Variants in OSM observed in about 807,000 individuals in gnomAD.
OSM encodes oncostatin M.
In OSM, 1 loss-of-function variant was observed where a neutral mutation model predicts 6.3. The observed-to-expected ratio is 0.16, with a 90% confidence interval of 0.06 to 0.76. The LOEUF is 0.76. Among genes scored for constraint, OSM ranks in the 30% least tolerant of loss-of-function variants. The pLI is 0.77. For missense variants in OSM, 324 were observed against 336.9 expected, an observed-to-expected ratio of 0.96 and a Z score of 0.30; for synonymous variants, 135 against 143.4, an observed-to-expected ratio of 0.94 and a Z score of 0.42.
In OSM at chr22:30,263,066, A is replaced by G. The variant is rs541181756; in HGVS notation, c.*817T>C. The stretch of plus-strand genomic sequence containing the variant: ...GGGGAGCAGCCAGCAGCGAGGACCC[A>G]AGACGGGCTTCCCGGCGCTGGGAGG... On this transcript the variant is annotated 3_prime_UTR_variant, in exon 3 of 3. Transcript: ENST00000215781. The G allele has an allele frequency of 2.6e-5, 4 of 152,846 alleles. No homozygotes were observed. Among genetic ancestry groups the G allele is most frequent in the Admixed American group, 1.3e-4 (2 of 15,302 alleles). The allele number at this position is 152,846 out of a possible 1,614,324, so 9.5% of individuals were successfully genotyped here.
chr22:30,264,001 T>TC lies in OSM; in HGVS notation c.640dup (p.Glu214GlyfsTer80), dbSNP rs150499755. The TC allele has an allele frequency of 6.4e-7, 1 of 1,556,098 alleles. No homozygotes were observed. On this transcript the variant is annotated frameshift_variant, in exon 3 of 3. Coordinates refer to ENST00000215781, the MANE Select transcript of OSM (RefSeq NM_020530.6). LOFTEE classifies it low-confidence loss of function (END_TRUNC). ...GTGTCTCCGGCTCCGGTTCGGGCTC[T>TC]CCCCCCACTTGCTGAAGACCCGCCC...
Position 30,263,660 on chromosome 22 carries a change from T to C in OSM, c.*223A>G. 2.4e-6 allele frequency: 1 copy of C among 418,204 alleles called. No individual in the cohort carries two copies. Among genetic ancestry groups the C allele is most frequent in the Non-Finnish European group, 4.2e-6 (1 of 237,778 alleles). 25.9% of individuals were successfully genotyped at this position (418,204 alleles called of 1,614,324 possible). On this transcript the variant is annotated 3_prime_UTR_variant, in exon 3 of 3. Transcript: ENST00000215781. ...GCCCGCCCGGCCACCCCACTGGGCC[T>C]GGGGAACTTGGGGCTGAGGTGGGAG...
chr22:30,265,049 T>G lies in OSM; in HGVS notation c.130A>C (p.Lys44Gln). ...EYRVLLGQLQ[K>Q]QTDLMQDTSR... is the part of the protein sequence containing the mutation. ...GTGTCCTGCATGAGATCTGTCTGCT[T>G]CTGGAGCTGGCCAAGGAGCACGCGG... Residue 44 changes from lysine (K) to glutamine (Q), a missense_variant, in exon 2 of 3, where the codon AAG (lysine) becomes CAG (glutamine). By Grantham distance (53) the Lys-to-Gln change is moderately conservative (BLOSUM62 1). Transcript: ENST00000215781. 3 of 1,614,154 alleles carry G rather than the reference T, an allele frequency of 1.9e-6. No homozygotes were observed. Among genetic ancestry groups the G allele is most frequent in the Non-Finnish European group, 1.7e-6 (2 of 1,180,006 alleles).
intron 2 of OSM, 62 bp downstream of exon 2, chr22:30,264,940 C>T: frequency 6.3e-7 from 1 of 1,583,686 alleles, no homozygotes; most frequent in Non-Finnish European, 8.6e-7. Context: ...CCCTGCTTCT[C>T]ACTCCCTTCC....
At position 30,266,745 on chromosome 22, in the gene OSM, G is replaced by T; in HGVS notation, c.34+21C>A. 2 of 1,612,938 alleles carry T rather than the reference G, an allele frequency of 1.2e-6. No individual in the cohort carries two copies. The highest frequency in any genetic ancestry group is 1.7e-6 in the Non-Finnish European group (2 of 1,179,318). ...GCAGACCCAGCAGGCGGGTTCTGGC[G>T]GGGAGGAAGGAAGTACTTACTGAGC... On this transcript the variant is annotated intron_variant, in intron 1 of 2. Coordinates refer to ENST00000215781, the MANE Select transcript of OSM (RefSeq NM_020530.6). The surrounding 1 kb of genome is among the most constrained non-coding windows in gnomAD (Gnocchi z 5.0).
At chr22:30,264,946 C>A (rs1929351330) in intron 2 of OSM, 56 bp downstream of exon 2, 1 of 1,594,632 alleles carries the variant, frequency 6.3e-7, no homozygotes, top group Non-Finnish European at 8.6e-7. Flanking sequence ...TTCTCACTCC[C>A]TTCCTAACCC....
intron 2 of OSM, 118 bp downstream of exon 2, chr22:30,264,884 C>T: frequency 8.0e-7 from 1 of 1,256,060 alleles, no homozygotes. Context: ...AACATAGCGA[C>T]TCAGTTCCCC....
chr22:30,263,940 C>A lies in OSM; in HGVS notation c.702G>T (p.Arg234Ser), dbSNP rs777193165. Residue 234 changes from arginine to serine, a missense_variant, in exon 3 of 3, where the codon AGG (arginine) becomes AGT (serine). By Grantham distance (110) the Arg-to-Ser change is moderately radical. Coordinates refer to ENST00000215781, the MANE Select transcript of OSM (RefSeq NM_020530.6). ...PHQALRKGVR[R>S]TRPSRKGKRL... ...TCTTGCCTTTCCTGGAGGGTCTGGT[C>A]CTGCGCACCCCCTTCCTCAGGGCCT... 1 of 1,519,338 alleles carries A rather than the reference C, an allele frequency of 6.6e-7. No homozygotes were observed. The highest frequency in any genetic ancestry group is 8.8e-7 in the Non-Finnish European group (1 of 1,135,194). The allele number at this position is 1,519,338 out of a possible 1,614,324, so 94.1% of individuals were successfully genotyped here. A position where few individuals can be genotyped will look rare whatever the true frequency, so the allele number is the denominator to read the frequency against.
At position 30,266,845 on chromosome 22, in the gene OSM, C is replaced by T; in HGVS notation, c.-46G>A. 1 of 1,567,846 alleles carries T rather than the reference C, an allele frequency of 6.4e-7. No individual in the cohort carries two copies. Among genetic ancestry groups the T allele is most frequent in the African/African-American group, 1.4e-5 (1 of 73,306 alleles). On this transcript the variant is annotated 5_prime_UTR_variant, in exon 1 of 3. Coordinates refer to ENST00000215781, the MANE Select transcript of OSM (RefSeq NM_020530.6). The surrounding 1 kb of genome is among the most constrained non-coding windows in gnomAD (Gnocchi z 5.0). ...CCCGCGCCCGCTGGGGGTGACACCT[C>T]TCGGCTGGGAGCCCTGCAGGCTGGC... is the stretch of plus-strand genomic sequence containing the variant.
chr22:30,266,810 C>G lies in OSM; in HGVS notation c.-11G>C. 1 of 1,610,848 alleles carries G rather than the reference C, an allele frequency of 6.2e-7. No homozygotes were observed. Among genetic ancestry groups the G allele is most frequent in the South Asian group, 1.1e-5 (1 of 90,902 alleles). On this transcript the variant is annotated 5_prime_UTR_variant, in exon 1 of 3. Coordinates refer to ENST00000215781, the MANE Select transcript of OSM (RefSeq NM_020530.6). The surrounding 1 kb of genome is among the most constrained non-coding windows in gnomAD (Gnocchi z 5.0). Reference sequence around the variant, plus strand: ...GAGCAGTACCCCCATGCTGGGTGCCCGTGCTCCGGCCCGCGCCCGCTGGGG... The same window carrying G: ...GAGCAGTACCCCCATGCTGGGTGCCGGTGCTCCGGCCCGCGCCCGCTGGGG...
chr22:30,265,454 C>T (rs1190018032), intron 1 of OSM: 3 of 1,143,158 alleles, frequency 2.6e-6, no homozygotes, highest in Admixed American at 3.8e-5. Flanking sequence ...GATCCCAGTC[C>T]TGCCTACAGC....
rs1396529131 is a variant in OSM, at chr22:30,266,566, T to A, written c.34+200A>T. Among the ~76,000 whole-genome samples, 6 of 152,094 alleles carry A rather than the reference T, an allele frequency of 3.9e-5. No homozygotes were observed. The highest frequency in any genetic ancestry group is 1.4e-4 in the African/African-American group (6 of 41,420). ...CCTGGAAGCCTTCCAGGGATGCCCC[T>A]TCTCTACCTGTGGAGATGCCAGGTT... is the stretch of plus-strand genomic sequence containing the variant. On this transcript the variant is annotated intron_variant, in intron 1 of 2. Coordinates refer to ENST00000215781, the MANE Select transcript of OSM (RefSeq NM_020530.6). The surrounding 1 kb of genome is among the most constrained non-coding windows in gnomAD (Gnocchi z 5.0).
rs748935390 is a variant in OSM at position 30,265,137 on chromosome 22, G to T, written c.42C>A (p.Val14=). 1.7e-5 allele frequency: 28 copies of T among 1,613,394 alleles called. No individual in the cohort carries two copies. The highest frequency in any genetic ancestry group is 2.4e-5 in the Non-Finnish European group (28 of 1,179,466). The change falls in exon 2 of 3, where the codon GTC becomes GTA. Residue 14 remains valine, a synonymous_variant. Coordinates refer to ENST00000215781, the MANE Select transcript of OSM (RefSeq NM_020530.6). ...LLTQRTLLSL[V]LALLFPSMAS... ...CCATGCTTGGAAACAGGAGTGCAAG[G>T]ACCAGACCTAAGGCAGAGAAGAGGG...
At position 30,263,122 on chromosome 22, in the gene OSM, C is replaced by T. The variant is rs199708829; in HGVS notation, c.*761G>A. 9 of 152,766 alleles carry T rather than the reference C, an allele frequency of 5.9e-5. No individual in the cohort carries two copies. Among genetic ancestry groups the T allele is most frequent in the East Asian group, 1.9e-4 (1 of 5,314 alleles). 9.5% of individuals were successfully genotyped at this position (152,766 alleles called of 1,614,324 possible). Reference sequence around the variant, plus strand: ...CTGCTTTTACAGAGACCTCCGTGTACACCTCCCAGCGCCATTTGCACCACC... The same window carrying T: ...CTGCTTTTACAGAGACCTCCGTGTATACCTCCCAGCGCCATTTGCACCACC... On this transcript the variant is annotated 3_prime_UTR_variant, in exon 3 of 3. Coordinates refer to ENST00000215781, the MANE Select transcript of OSM (RefSeq NM_020530.6).
intron 2 of OSM, 94 bp from the exon 3 acceptor site, chr22:30,264,558 C>G: frequency 9.7e-7 from 1 of 1,028,870 alleles, no homozygotes; most frequent in South Asian, 1.6e-5. Context: ...TCATGCACCC[C>G]AATCCAATCT....
Position 30,265,011 on chromosome 22 carries a change from C to T in OSM, c.168G>A (p.Leu56=). Residue 56 remains leucine, a synonymous_variant, in exon 2 of 3, where the codon CTG becomes CTA. Coordinates refer to ENST00000215781, the MANE Select transcript of OSM (RefSeq NM_020530.6). ...GGGCCCAGGTGCTTACATAGGGGTC[C>T]AGGAGTCTGCTGGTGTCCTGCATGA... ...TDLMQDTSRL[L]DPYIRIQGLD... is the part of the protein sequence containing the mutation. 6.2e-7 allele frequency: 1 copy of T among 1,614,042 alleles called. No individual in the cohort carries two copies. Among genetic ancestry groups the T allele is most frequent in the Non-Finnish European group, 8.5e-7 (1 of 1,179,906 alleles).
chr22:30,264,438 A>C lies in OSM; in HGVS notation c.204T>G (p.Pro68=). The C allele has an allele frequency of 6.2e-7, 1 of 1,608,330 alleles. No homozygotes were observed. The highest frequency in any genetic ancestry group is 8.5e-7 in the Non-Finnish European group (1 of 1,175,366). ...PYIRIQGLDV[P]KLREHCRERP... ...GCTCCCTGCAGTGCTCTCTCAGTTT[A>C]GGAACATCCAGGCCTTGGATACGTA... Residue 68 remains proline (P), a synonymous_variant, in exon 3 of 3, where the codon CCT becomes CCG. Coordinates refer to ENST00000215781, the MANE Select transcript of OSM (RefSeq NM_020530.6).
In OSM at chr22:30,264,320, G is replaced by A. The variant is rs921130719; in HGVS notation, c.322C>T (p.His108Tyr). 6 of 1,613,950 alleles carry A rather than the reference G, an allele frequency of 3.7e-6. No homozygotes were observed. In the African/African-American group the frequency reaches 4.0e-5, roughly 11 times the overall value. ...TLNATLGCVL[H>Y]RLADLEQRLP... The stretch of plus-strand genomic sequence containing the variant: ...CGCTGCTCTAAGTCGGCCAGTCTGT[G>A]CAGGACGCAGCCCAGTGTGGCATTG... The change falls in exon 3 of 3, where the codon CAC becomes TAC. Residue 108 changes from histidine to tyrosine, a missense_variant. Transcript: ENST00000215781.
Position 30,266,644 on chromosome 22 carries a change from A to T in OSM, c.34+122T>A, listed in dbSNP as rs1363923180. On this transcript the variant is annotated intron_variant, in intron 1 of 2. Transcript: ENST00000215781. This position sits in a 1 kb window ranked among gnomAD's most constrained non-coding sequence, Gnocchi z 5.0. The stretch of plus-strand genomic sequence containing the variant: ...CTCCTGGCTCTCTCCCCTTCTCAGC[A>T]TCCTTCTGCCTGGCGCCTGGCCTCC... The T allele has an allele frequency of 1.2e-5, 13 of 1,065,494 alleles. No individual in the cohort carries two copies. Among genetic ancestry groups the T allele is most frequent in the Non-Finnish European group, 1.8e-5 (13 of 709,922 alleles). 66.0% of individuals were successfully genotyped at this position (1,065,494 alleles called of 1,614,324 possible).
Sources: allele counts gnomAD v4.1 joint callset (sites outside exome capture counted in the v4.1 genomes callset), GRCh38; gene constraint gnomAD v4.1.1; non-coding constraint Gnocchi (gnomAD v3.1); transcripts MANE v1.5; gene names NCBI Gene and HGNC (gene_info 2026-07-23, HGNC 2026-07-21).